CLIC6: variants seen among roughly 807,000 people sequenced by gnomAD.
CLIC6 encodes the protein CLIC family member 6.
A neutral mutation model predicts 49.2 loss-of-function variants in CLIC6; 39 were observed. The ratio of observed to expected loss-of-function variants is 0.79; its 90% CI spans 0.61 to 1.04. The LOEUF is 1.04. Among genes scored for constraint, CLIC6 ranks in the 50% least tolerant of loss-of-function variants. The pLI is 0.00. For missense variants in CLIC6, 988 were observed against 993.1 expected (o/e 0.99, Z 0.07); for synonymous variants, 446 against 433.4 (o/e 1.03, Z -0.36).
Position 34,669,444 on chromosome 21 carries a change from A to G in CLIC6, c.56A>G (p.Glu19Gly). The G allele has an allele frequency of 8.1e-7, 1 of 1,233,852 alleles. No individual in the cohort carries two copies. Among genetic ancestry groups the G allele is most frequent in the Non-Finnish European group, 1.0e-6 (1 of 989,420 alleles). 76.4% of individuals were successfully genotyped at this position (1,233,852 alleles called of 1,614,324 possible). The change falls in exon 1 of 6, where the codon GAG (glutamate) becomes GGG (glycine). Residue 19 changes from glutamate (E) to glycine (G), a missense_variant. By Grantham distance (98) the Glu-to-Gly change is moderately conservative (BLOSUM62 -2). This residue lies in a region of CLIC6 where 284 missense variants were observed against 278.6 expected (regional missense o/e 1.02). Transcript: ENST00000349499. ...GCCCCGGGTCCCCAGGGGCCGCCGGAGGTCCCCGCGCCTCTGGCTGAGAGA... is the reference window on the plus strand; with the variant it reads ...GCCCCGGGTCCCCAGGGGCCGCCGGGGGTCCCCGCGCCTCTGGCTGAGAGA... ...GVAPGPQGPPEVPAPLAERPG... is the reference protein window; with the variant it reads ...GVAPGPQGPPGVPAPLAERPG...
Position 34,690,861 on chromosome 21 carries a change from C to CAAA in CLIC6, c.1375-16401_1375-16399dup, listed in dbSNP as rs33931156. Among the ~76,000 whole-genome samples, 373 of 99,502 alleles carry CAAA rather than the reference C, an allele frequency of 3.7e-3. 5 individuals are homozygous for CAAA. Among genetic ancestry groups the CAAA allele is most frequent in the Non-Finnish European group, 5.3e-3 (275 of 51,604 alleles). 65.3% of individuals were successfully genotyped at this position (99,502 alleles called of 152,430 possible). On this transcript the variant is annotated intron_variant, in intron 1 of 5. Transcript: ENST00000349499. ...GTGGGAAAGGAGTTATAATACATGT[C>CAAA]AAAAAAAAAAAAAAAAAAAAGCATG...
chr21:34,673,139 CAGAAGCATGTGGCCT>C (rs1989598074), intron 1 of CLIC6, among the ~76,000 whole-genome samples: 1 of 152,094 alleles, frequency 6.6e-6, no homozygotes, highest in South Asian at 2.1e-4. Flanking sequence ...TTTGTGTGGG[CAGAAGCATGTGGCCT>C]AGCACCAGCA....
intron 1 of CLIC6, among the ~76,000 whole-genome samples, chr21:34,676,739 C>T (rs193013159): frequency 1.3e-5 from 2 of 152,278 alleles, no homozygotes. Context: ...AACCATTTTC[C>T]TTTCCAGTCC....
intron 1 of CLIC6, among the ~76,000 whole-genome samples, chr21:34,687,150 G>A (rs928242607): frequency 3.9e-5 from 6 of 152,172 alleles, no homozygotes; most frequent in Non-Finnish European, 8.8e-5. Context: ...CAGATGGGAG[G>A]TGTGGAGTAA....
At chr21:34,713,057 T>A (rs920964276) in intron 5 of CLIC6, among the ~76,000 whole-genome samples, 1 of 152,028 alleles carries the variant, frequency 6.6e-6, no homozygotes, top group African/African-American at 2.4e-5. Context: ...AAATGATAGG[T>A]CCAGTAGATC....
chr21:34,710,830 C>T (rs540975412), intron 5 of CLIC6, among the ~76,000 whole-genome samples: 1 of 149,634 alleles, frequency 6.7e-6, no homozygotes, highest in African/African-American at 2.5e-5. Flanking sequence ...AAACAAAAAA[C>T]AAACAAACAA....
chr21:34,710,126 A>T (rs2056046098), intron 5 of CLIC6, among the ~76,000 whole-genome samples: 1 of 151,878 alleles, frequency 6.6e-6, no homozygotes, highest in African/African-American at 2.4e-5. Context: ...TAAAAAAAAA[A>T]AATTAGCTGG....
chr21:34,699,952 G>C (rs1392123832), intron 1 of CLIC6, among the ~76,000 whole-genome samples: 4 of 152,220 alleles, frequency 2.6e-5, no homozygotes, highest in African/African-American at 9.6e-5. Context: ...TGTTTACATA[G>C]GGCAGGAAGA....
intron 1 of CLIC6, among the ~76,000 whole-genome samples, chr21:34,681,168 C>A (rs1039697451): frequency 1.3e-5 from 2 of 152,174 alleles, no homozygotes; most frequent in Non-Finnish European, 2.9e-5. Context: ...GCAATCGTGG[C>A]AGAAGGGGAA....
At chr21:34,695,884 G>A (rs1034599283) in intron 1 of CLIC6, among the ~76,000 whole-genome samples, 19 of 152,328 alleles carry the variant, frequency 1.2e-4, no homozygotes, top group South Asian at 2.1e-4. Flanking sequence ...AAGCAGATTC[G>A]ATGAGATTTT....
intron 1 of CLIC6, among the ~76,000 whole-genome samples, chr21:34,690,989 C>T (rs1312078202): frequency 3.3e-5 from 5 of 152,066 alleles, no homozygotes; most frequent in African/African-American, 1.2e-4. Context: ...TCTTGGGCCA[C>T]GGCCTTCCTC....
intron 1 of CLIC6, among the ~76,000 whole-genome samples, chr21:34,696,185 C>A (rs185245523): frequency 6.6e-6 from 1 of 152,250 alleles, no homozygotes; most frequent in Admixed American, 6.5e-5. Context: ...GAGACCCCCC[C>A]CATCCCTGGC....
chr21:34,678,291 A>C (rs1989712312), intron 1 of CLIC6, among the ~76,000 whole-genome samples: 1 of 146,936 alleles, frequency 6.8e-6, no homozygotes, highest in African/African-American at 2.5e-5. Context: ...AAAAAAAAAA[A>C]GTCACCCGGG....
intron 1 of CLIC6, among the ~76,000 whole-genome samples, chr21:34,677,093 T>C (rs1389985696): frequency 1.3e-5 from 2 of 152,186 alleles, no homozygotes; most frequent in Admixed American, 1.3e-4. Context: ...CATCTTCGGC[T>C]AAAATCCGTG....
chr21:34,675,262 A>G (rs911922941), intron 1 of CLIC6, among the ~76,000 whole-genome samples: 2 of 151,754 alleles, frequency 1.3e-5, no homozygotes, highest in South Asian at 2.1e-4. Flanking sequence ...CAAAAAAAAA[A>G]AAAAAAAAGA....
chr21:34,693,500 A>C (rs1274603848), intron 1 of CLIC6, among the ~76,000 whole-genome samples: 2 of 152,204 alleles, frequency 1.3e-5, no homozygotes, highest in Non-Finnish European at 2.9e-5. Flanking sequence ...CATAGTAAGG[A>C]ACCAAGATTT....
At chr21:34,680,352 GT>G (rs1989754451) in intron 1 of CLIC6, among the ~76,000 whole-genome samples, 1 of 152,168 alleles carries the variant, frequency 6.6e-6, no homozygotes, top group Admixed American at 6.5e-5. Flanking sequence ...AGGGGGTCCT[GT>G]GGCCCATGAA....
chr21:34,694,219 T>C (rs968741766), intron 1 of CLIC6, among the ~76,000 whole-genome samples: 3 of 144,494 alleles, frequency 2.1e-5, no homozygotes, highest in Admixed American at 6.8e-5. Flanking sequence ...TACCTCATGA[T>C]CCTCCTGCCT....
chr21:34,684,927 T>C (rs1242839266), intron 1 of CLIC6, among the ~76,000 whole-genome samples: 1 of 152,212 alleles, frequency 6.6e-6, no homozygotes, highest in Non-Finnish European at 1.5e-5. Flanking sequence ...CAGGGCACCC[T>C]TTTGGTTTCC....
Sources: allele counts gnomAD v4.1 joint callset (sites outside exome capture counted in the v4.1 genomes callset), GRCh38; gene constraint gnomAD v4.1.1; regional missense constraint gnomAD v4.1.1; transcripts MANE v1.5; gene names NCBI Gene and HGNC (gene_info 2026-07-23, HGNC 2026-07-21).